CHRNB3: variants seen among roughly 807,000 people sequenced by gnomAD.
CHRNB3 encodes the protein cholinergic receptor nicotinic beta 3 subunit.
In CHRNB3, 37 loss-of-function variants were observed where a neutral mutation model predicts 40.6. The ratio of observed to expected loss-of-function variants is 0.91; its 90% CI spans 0.70 to 1.20. CHRNB3 has a LOEUF of 1.20. Ranked by LOEUF, CHRNB3 falls within the 50% of genes most tolerant of loss-of-function variation. The pLI is 0.00. For missense variants in CHRNB3, 505 were observed against 551.2 expected (o/e 0.92, Z 0.84); for synonymous variants, 207 against 207.1 (o/e 1.00, Z 0.00).
chr8:42,702,506 G>A (rs373166122), intron 1 of CHRNB3, among the ~76,000 whole-genome samples: 10 of 152,236 alleles, frequency 6.6e-5, no homozygotes, highest in Admixed American at 1.3e-4. Flanking sequence ...GATGGCTCAC[G>A]CCTGTAAACC....
intron 3 of CHRNB3, chr8:42,714,742 C>G (rs186743510): frequency 6.6e-6 from 1 of 152,204 alleles, no homozygotes. Context: ...CACAACCATC[C>G]TATAAGGGAG....
chr8:42,724,854 C>A (rs1224912819), intron 3 of CHRNB3, among the ~76,000 whole-genome samples: 1 of 151,782 alleles, frequency 6.6e-6, no homozygotes, highest in Non-Finnish European at 1.5e-5. Context: ...TGGTGGCAGG[C>A]GCCTGTAGTC....
intron 1 of CHRNB3, among the ~76,000 whole-genome samples, chr8:42,700,709 G>A (rs908426123): frequency 5.3e-5 from 8 of 152,180 alleles, no homozygotes; most frequent in African/African-American, 1.9e-4. Flanking sequence ...ATGAAATCCT[G>A]TTCATAAAAT....
rs201920356 is a variant in CHRNB3, at chr8:42,731,057, AAAATAAATAAAT to A, written c.359+378_359+389del. Among the ~76,000 whole-genome samples, 34 of 138,886 alleles carry A rather than the reference AAAATAAATAAAT, an allele frequency of 2.4e-4. 3 individuals carry two copies. The highest frequency in any genetic ancestry group is 8.0e-4 in the East Asian group (4 of 4,982). The allele number at this position is 138,886 out of a possible 152,430, so 91.1% of individuals were successfully genotyped here. ...GCGACAGAGCGAGACTCCGTCTCAAAAAATAAATAAATAAATAAATAAATAAATAAATAAAAA... is the reference window on the plus strand; with the variant it reads ...GCGACAGAGCGAGACTCCGTCTCAAAAAATAAATAAATAAATAAATAAAAA... On this transcript the variant is annotated intron_variant, in intron 4 of 5. Transcript: ENST00000289957.
At chr8:42,729,656 G>C (rs891844635) in intron 3 of CHRNB3, among the ~76,000 whole-genome samples, 1 of 152,058 alleles carries the variant, frequency 6.6e-6, no homozygotes, top group Admixed American at 6.6e-5. Flanking sequence ...TGACAAAGTT[G>C]GCATCACTGG....
intron 3 of CHRNB3, among the ~76,000 whole-genome samples, chr8:42,723,266 A>G (rs1180603502): frequency 6.6e-6 from 1 of 152,012 alleles, no homozygotes; most frequent in Non-Finnish European, 1.5e-5. Context: ...ATTTCACTGT[A>G]TTTTACTGTT....
rs1203598271 is a variant in CHRNB3 at position 42,702,719 on chromosome 8, C to T, written c.52+5121C>T. Among the ~76,000 whole-genome samples the T allele has an allele frequency of 2.0e-5, 3 of 151,972 alleles. No individual in the cohort carries two copies. In the East Asian group the frequency reaches 5.8e-4, roughly 29 times the overall value. On this transcript the variant is annotated intron_variant, in intron 1 of 5. Coordinates refer to ENST00000289957, the MANE Select transcript of CHRNB3 (RefSeq NM_000749.5). ...CAGAGGTTGCAGTGAACCAAGATTG[C>T]GCCACTGCACTCCAGCCTGGCAACA... is the stretch of plus-strand genomic sequence containing the variant.
chr8:42,727,811 C>T (rs1027773045), intron 3 of CHRNB3, among the ~76,000 whole-genome samples: 1 of 151,982 alleles, frequency 6.6e-6, no homozygotes, highest in South Asian at 2.1e-4. Flanking sequence ...TGCAGTGAGC[C>T]GAGACTGTGC....
At chr8:42,729,683 T>A (rs1816369834) in intron 3 of CHRNB3, among the ~76,000 whole-genome samples, 1 of 152,136 alleles carries the variant, frequency 6.6e-6, no homozygotes. Flanking sequence ...GGAAGCGTCA[T>A]GCTGGGCATG....
intron 3 of CHRNB3, among the ~76,000 whole-genome samples, chr8:42,727,894 C>G (rs1415430232): frequency 6.6e-6 from 1 of 152,064 alleles, no homozygotes; most frequent in Non-Finnish European, 1.5e-5. Context: ...TACAAAATTT[C>G]TAGCAGAAAG....
At chr8:42,714,002 A>G (rs945363700) in intron 3 of CHRNB3, among the ~76,000 whole-genome samples, 1 of 152,196 alleles carries the variant, frequency 6.6e-6, no homozygotes, top group Non-Finnish European at 1.5e-5. Flanking sequence ...GGATATAGTC[A>G]TTGCGACGTC....
At position 42,703,382 on chromosome 8, in the gene CHRNB3, C is replaced by T. The variant is rs145761572; in HGVS notation, c.53-5335C>T. Reference sequence around the variant, plus strand: ...GAGGTTGCCGTGAGCCAAGATCATGCCACTGCCCTTCAGCCGGGGTGACAG... The same window carrying T: ...GAGGTTGCCGTGAGCCAAGATCATGTCACTGCCCTTCAGCCGGGGTGACAG... On this transcript the variant is annotated intron_variant, in intron 1 of 5. Coordinates refer to ENST00000289957, the MANE Select transcript of CHRNB3 (RefSeq NM_000749.5). Among the ~76,000 whole-genome samples the T allele has an allele frequency of 4.9e-3, 708 of 143,090 alleles. 3 individuals are homozygous for T. Among genetic ancestry groups the T allele is most frequent in the African/African-American group, 0.017 (677 of 40,318 alleles). The allele number at this position is 143,090 out of a possible 152,430, so 93.9% of individuals were successfully genotyped here. A position where few individuals can be genotyped will look rare whatever the true frequency, so the allele number is the denominator to read the frequency against.
intron 5 of CHRNB3, among the ~76,000 whole-genome samples, chr8:42,733,529 C>A (rs374682505): frequency 1.3e-5 from 2 of 151,494 alleles, no homozygotes; most frequent in Admixed American, 6.6e-5. Flanking sequence ...GGCTCAGCTC[C>A]GTTGTATAAG....
intron 3 of CHRNB3, among the ~76,000 whole-genome samples, chr8:42,711,945 C>T (rs115129609): frequency 0.011 from 1,641 of 151,942 alleles, 33 homozygotes; most frequent in African/African-American, 0.038. Flanking sequence ...CACTTCTAAG[C>T]GAGAACATGT....
intron 3 of CHRNB3, among the ~76,000 whole-genome samples, chr8:42,720,588 TAA>T (rs1749226073): frequency 1.3e-5 from 2 of 152,118 alleles, no homozygotes; most frequent in Admixed American, 6.5e-5. Context: ...AGCCCCAGGA[TAA>T]GAGGTTGAGG....
Position 42,731,811 on chromosome 8 carries a change from C to A in CHRNB3, c.504C>A (p.Ser168=). ...TCCCGTTCGACCGACAGAACTGCTC[C>A]ATGAAGTTTGGATCCTGGACTTATG... ...TFFPFDRQNC[S]MKFGSWTYDG... Residue 168 remains serine, a synonymous_variant, in exon 5 of 6, where the codon TCC becomes TCA. Transcript: ENST00000289957. 1 of 1,614,106 alleles carries A rather than the reference C, an allele frequency of 6.2e-7. No individual in the cohort carries two copies. The highest frequency in any genetic ancestry group is 8.5e-7 in the Non-Finnish European group (1 of 1,180,040).
intron 4 of CHRNB3, among the ~76,000 whole-genome samples, chr8:42,731,057 AAAATAAATAAATAAATAAAT>A (rs201920356): frequency 7.2e-6 from 1 of 138,802 alleles, no homozygotes; most frequent in Non-Finnish European, 1.5e-5. Context: ...TCCGTCTCAA[AAAATAAATAAATAAATAAAT>A]AAATAAATAA....
chr8:42,730,603 G>A lies in CHRNB3; in HGVS notation c.259G>A (p.Asp87Asn), dbSNP rs1816390834. The change falls in exon 4 of 6, where the codon GAC becomes AAC. Residue 87 changes from aspartate to asparagine, a missense_variant. Asp to Asn is a conservative substitution (Grantham distance 23). Coordinates refer to ENST00000289957, the MANE Select transcript of CHRNB3 (RefSeq NM_000749.5). ...TNVWLKQEWT[D>N]HKLRWNPDDY... ...TACTAATTTCATGCAGGAATGGACA[G>A]ACCACAAGTTACGCTGGAATCCTGA... is the stretch of plus-strand genomic sequence containing the variant. 1 of 1,601,544 alleles carries A rather than the reference G, an allele frequency of 6.2e-7. No homozygotes were observed. Among genetic ancestry groups the A allele is most frequent in the Non-Finnish European group, 8.5e-7 (1 of 1,172,230 alleles).
chr8:42,711,800 C>T (rs1816020761), intron 3 of CHRNB3, among the ~76,000 whole-genome samples: 1 of 152,110 alleles, frequency 6.6e-6, no homozygotes, highest in South Asian at 2.1e-4. Context: ...AAATAGTGAA[C>T]ATCATACCCA....
Sources: gnomAD v4.1 joint callset for allele counts (sites outside exome capture counted in the v4.1 genomes callset) on GRCh38, gnomAD v4.1.1 for gene constraint, MANE v1.5 for transcripts, NCBI Gene and HGNC (gene_info 2026-07-23, HGNC 2026-07-21) for gene names.